The following ADAM12 variants were observed in gnomAD, a reference collection of about 807,000 sequenced individuals.
The protein encoded by ADAM12 is disintegrin and metalloproteinase domain-containing protein 12.
In ADAM12, 70 loss-of-function variants were observed where a neutral mutation model predicts 106.4. That is an observed-to-expected ratio of 0.66 (90% CI 0.54 to 0.80). The LOEUF is 0.80. ADAM12 is among the 30% of genes least tolerant of loss of function. ADAM12 has a pLI of 0.00. For missense variants in ADAM12, 1,010 were observed against 1,171.9 expected (o/e 0.86, Z 2.02); for synonymous variants, 420 against 433.5 (o/e 0.97, Z 0.39).
At chr10:126,112,614 G>C (rs1036919026) in intron 6 of ADAM12, among the ~76,000 whole-genome samples, 1 of 152,128 alleles carries the variant, frequency 6.6e-6, no homozygotes, top group Non-Finnish European at 1.5e-5. Flanking sequence ...CCTGCAATGA[G>C]GACTCTGGCA....
Position 126,017,359 on chromosome 10 carries a change from A to G in ADAM12, c.2661-20T>C, listed in dbSNP as rs1417079142. Reference sequence around the variant, plus strand: ...GCAGGTCTGAATGAAGAGAGGAGAAAAAAAAATGATCAGAGACCTTGAGAA... The same window carrying G: ...GCAGGTCTGAATGAAGAGAGGAGAAGAAAAAATGATCAGAGACCTTGAGAA... On this transcript the variant is annotated intron_variant, in intron 22 of 22. Coordinates refer to ENST00000448723, the MANE Select transcript of ADAM12 (RefSeq NM_001288973.2). The G allele has an allele frequency of 1.9e-6, 3 of 1,563,198 alleles. No homozygotes were observed. The highest frequency in any genetic ancestry group is 1.7e-6 in the Non-Finnish European group (2 of 1,152,208).
At chr10:126,264,371 T>G (rs2133717469) in intron 3 of ADAM12, among the ~76,000 whole-genome samples, 1 of 152,298 alleles carries the variant, frequency 6.6e-6, no homozygotes, top group Admixed American at 6.5e-5. Flanking sequence ...AAAATAACTC[T>G]TTCTAAATAA....
chr10:126,111,561 C>A (rs1346159485), intron 6 of ADAM12, among the ~76,000 whole-genome samples: 1 of 152,112 alleles, frequency 6.6e-6, no homozygotes, highest in Non-Finnish European at 1.5e-5. Context: ...GGAAAGGAAT[C>A]TGGTTGTTTA....
At chr10:126,243,981 A>T (rs555143106) in intron 3 of ADAM12, among the ~76,000 whole-genome samples, 4 of 152,310 alleles carry the variant, frequency 2.6e-5, no homozygotes, top group African/African-American at 9.6e-5. Context: ...ATGACATTGC[A>T]CCAACTGGAT....
At chr10:126,336,741 A>G (rs1590796997) in intron 1 of ADAM12, among the ~76,000 whole-genome samples, 1 of 152,360 alleles carries the variant, frequency 6.6e-6, no homozygotes, top group East Asian at 1.9e-4. Flanking sequence ...ACACATTGAC[A>G]AAACCACGTC....
At chr10:126,310,627 G>A (rs753564812) in intron 2 of ADAM12, among the ~76,000 whole-genome samples, 6 of 152,086 alleles carry the variant, frequency 3.9e-5, no homozygotes, top group Non-Finnish European at 7.4e-5. Context: ...AAGGCAGGTG[G>A]GTGCAGAGGT....
intron 4 of ADAM12, among the ~76,000 whole-genome samples, chr10:126,152,658 G>T (rs778240482): frequency 6.6e-6 from 1 of 151,322 alleles, no homozygotes; most frequent in Non-Finnish European, 1.5e-5. Context: ...TATATTTTGG[G>T]TGTGAATCCT....
chr10:126,233,357 C>T (rs113756295), intron 3 of ADAM12, among the ~76,000 whole-genome samples: 14 of 152,164 alleles, frequency 9.2e-5, no homozygotes, highest in East Asian at 1.9e-4. Context: ...GGGACTGTGC[C>T]GGATACAGTG....
chr10:126,036,456 A>C, intron 20 of ADAM12, 131 bp from the exon 21 acceptor site: 1 of 853,662 alleles, frequency 1.2e-6, no homozygotes, highest in Non-Finnish European at 1.7e-6. Context: ...GAAATCAAGG[A>C]TGTACACAAG....
At chr10:126,172,251 G>A (rs1358880845) in intron 3 of ADAM12, among the ~76,000 whole-genome samples, 1 of 152,122 alleles carries the variant, frequency 6.6e-6, no homozygotes, top group East Asian at 1.9e-4. Flanking sequence ...TTCCCATAAA[G>A]GCTGAGATTT....
intron 18 of ADAM12, chr10:126,041,462 G>A: frequency 1.0e-6 from 1 of 985,562 alleles, no homozygotes; most frequent in African/African-American, 1.7e-5. Flanking sequence ...GACTCTGTGG[G>A]TTCCCTGGCT....
intron 3 of ADAM12, among the ~76,000 whole-genome samples, chr10:126,229,568 T>G (rs917395977): frequency 4.0e-5 from 6 of 151,848 alleles, no homozygotes; most frequent in African/African-American, 1.5e-4. Context: ...ATGTATCTAT[T>G]TCCTTCCATT....
At chr10:126,191,374 G>C (rs769066497) in intron 3 of ADAM12, among the ~76,000 whole-genome samples, 1 of 152,100 alleles carries the variant, frequency 6.6e-6, no homozygotes, top group Admixed American at 6.6e-5. Flanking sequence ...GCTGAGTGGA[G>C]GATAGATGGG....
chr10:126,347,813 A>G (rs1197019601), intron 1 of ADAM12, among the ~76,000 whole-genome samples: 1 of 152,208 alleles, frequency 6.6e-6, no homozygotes, highest in Non-Finnish European at 1.5e-5. Context: ...TAAGAATATT[A>G]AACAGGTTTA....
Position 126,293,255 on chromosome 10 carries a change from C to T in ADAM12, c.187-14267G>A, listed in dbSNP as rs141542321. Among the ~76,000 whole-genome samples, 225 of 152,328 alleles carry T rather than the reference C, an allele frequency of 1.5e-3. 1 individual carries two copies. The highest frequency in any genetic ancestry group is 5.3e-3 in the African/African-American group (221 of 41,568). ...GGAGAAATACCAGGAAAAATGGCAA[C>T]CCTTGGTTTCTACTTCAATGGTAAC... On this transcript the variant is annotated intron_variant, in intron 2 of 22. Coordinates refer to ENST00000448723, the MANE Select transcript of ADAM12 (RefSeq NM_001288973.2).
intron 5 of ADAM12, among the ~76,000 whole-genome samples, chr10:126,119,669 A>T (rs911219929): frequency 2.0e-5 from 3 of 152,228 alleles, no homozygotes; most frequent in Admixed American, 6.5e-5. Context: ...GATTCTTTTT[A>T]AAAATGGACA....
At chr10:126,040,077 C>A (rs1954133362) in intron 18 of ADAM12, among the ~76,000 whole-genome samples, 1 of 152,180 alleles carries the variant, frequency 6.6e-6, no homozygotes, top group South Asian at 2.1e-4. Context: ...AAAACATCTT[C>A]TTTTCTATGA....
At chr10:126,132,801 C>T (rs1956332219) in intron 5 of ADAM12, among the ~76,000 whole-genome samples, 3 of 152,062 alleles carry the variant, frequency 2.0e-5, no homozygotes, top group Non-Finnish European at 2.9e-5. Context: ...AGGGTGAGAA[C>T]ATCTACCTGG....
chr10:126,157,572 C>T (rs147199171), intron 3 of ADAM12, among the ~76,000 whole-genome samples: 165 of 152,346 alleles, frequency 1.1e-3, no homozygotes, highest in African/African-American at 3.6e-3. Flanking sequence ...GGCAGGTCTC[C>T]GCTGCAGTCT....
Sources: allele counts gnomAD v4.1 joint callset (sites outside exome capture counted in the v4.1 genomes callset), GRCh38; gene constraint gnomAD v4.1.1; transcripts MANE v1.5; gene names NCBI Gene and HGNC (gene_info 2026-07-23, HGNC 2026-07-21).